P3H2: variants seen among roughly 807,000 people sequenced by gnomAD.
The protein encoded by P3H2 is leprecan-like 1.
In P3H2, 80 loss-of-function variants were observed where a neutral mutation model predicts 87.0. The ratio of observed to expected loss-of-function variants is 0.92; its 90% CI spans 0.77 to 1.11. The LOEUF is 1.11. Among genes scored for constraint, P3H2 ranks in the 50% least tolerant of loss-of-function variants. P3H2 has a pLI of 0.00. For synonymous variants in P3H2, 367 were observed against 359.3 expected (o/e 1.02, Z -0.24); for missense variants, 1,001 against 923.9 (o/e 1.08, Z -1.08).
At chr3:190,022,366 G>A (rs1305797231) in intron 1 of P3H2, among the ~76,000 whole-genome samples, 1 of 134,992 alleles carries the variant, frequency 7.4e-6, no homozygotes. Context: ...ATCCAGCCAG[G>A]GGACCAAAAT....
chr3:189,995,715 G>T (rs887563975), intron 1 of P3H2, among the ~76,000 whole-genome samples: 1 of 151,008 alleles, frequency 6.6e-6, no homozygotes, highest in African/African-American at 2.4e-5. Flanking sequence ...ATCCAAAAGG[G>T]GTTAATATCT....
At chr3:190,095,162 G>A (rs1727529638) in intron 1 of P3H2, among the ~76,000 whole-genome samples, 1 of 151,284 alleles carries the variant, frequency 6.6e-6, no homozygotes, top group Admixed American at 6.6e-5. Flanking sequence ...GTACAGACAT[G>A]AAAACTGAGA....
Position 189,964,073 on chromosome 3 carries a change from C to T in P3H2, c.1919G>A (p.Arg640His), listed in dbSNP as rs765123377. ...VTASIKPKCG[R>H]MISFSSGGEN... is the part of the protein sequence containing the mutation. The stretch of plus-strand genomic sequence containing the variant: ...TCCTCCAGATGAGAAGCTGATCATG[C>T]GCCCACATTTTGGTTTTATAGAGGC... Residue 640 changes from arginine to histidine, a missense_variant, in exon 14 of 15, where the codon CGC (arginine) becomes CAC (histidine). By Grantham distance (29) the Arg-to-His change is conservative. Coordinates refer to ENST00000319332, the MANE Select transcript of P3H2 (RefSeq NM_018192.4). The T allele has an allele frequency of 2.4e-5, 39 of 1,613,952 alleles. No individual in the cohort carries two copies. Among genetic ancestry groups the T allele is most frequent in the South Asian group, 1.8e-4 (16 of 91,080 alleles).
At chr3:189,978,728 C>T (rs1340746469) in intron 8 of P3H2, among the ~76,000 whole-genome samples, 4 of 151,274 alleles carry the variant, frequency 2.6e-5, no homozygotes, top group Non-Finnish European at 5.9e-5. Flanking sequence ...TATCATTCAA[C>T]AGGCAAGTCA....
intron 1 of P3H2, among the ~76,000 whole-genome samples, chr3:190,093,685 G>C (rs1727484936): frequency 6.6e-6 from 1 of 151,938 alleles, no homozygotes; most frequent in South Asian, 2.1e-4. Context: ...CTGAGTGGAA[G>C]AAAAAAAGTG....
At position 190,120,333 on chromosome 3, in the gene P3H2, G is replaced by C. The variant is rs868184723; in HGVS notation, c.399C>G (p.Ser133=). The change falls in exon 1 of 15, where the codon TCC becomes TCG. Residue 133 remains serine, a synonymous_variant. Transcript: ENST00000319332. The part of the protein sequence containing the change: ...CETQRLGGPA[S]RHRVSEDVRS... The stretch of plus-strand genomic sequence containing the variant: ...GCACATCCTCGCTGACGCGGTGGCG[G>C]GATGCGGGGCCCCCGAGGCGCTGGG... 4 of 1,597,352 alleles carry C rather than the reference G, an allele frequency of 2.5e-6. No individual in the cohort carries two copies. The highest frequency in any genetic ancestry group is 2.0e-4 in the Middle Eastern group (1 of 5,058).
intron 1 of P3H2, among the ~76,000 whole-genome samples, chr3:190,114,704 T>G: frequency 6.6e-6 from 1 of 152,150 alleles, no homozygotes; most frequent in South Asian, 2.1e-4. Flanking sequence ...ACCTGTAAGT[T>G]TTGATGGTTT....
chr3:189,982,998 A>T (rs1432382074), intron 8 of P3H2, 48 bp downstream of exon 8: 9 of 1,410,578 alleles, frequency 6.4e-6, no homozygotes, highest in African/African-American at 2.8e-5. Flanking sequence ...GTCAAGCCCC[A>T]TCTTCCCCTT....
intron 1 of P3H2, among the ~76,000 whole-genome samples, chr3:190,019,785 A>AATATATATATATAT (rs1210566859): frequency 5.3e-5 from 2 of 37,390 alleles, no homozygotes; most frequent in African/African-American, 1.3e-4. Context: ...GAAATTAAAA[A>AATATATATATATAT]ATATATATAT....
chr3:190,001,775 C>T (rs1295847762), intron 1 of P3H2, among the ~76,000 whole-genome samples: 1 of 152,150 alleles, frequency 6.6e-6, no homozygotes, highest in Non-Finnish European at 1.5e-5. Flanking sequence ...ACACATGTCA[C>T]AAGGCACATT....
chr3:190,116,787 G>A (rs1712304390), intron 1 of P3H2: 1 of 152,206 alleles, frequency 6.6e-6, no homozygotes, highest in African/African-American at 2.4e-5. Flanking sequence ...AATCTTAAAT[G>A]ATAAAAATCA....
At chr3:190,119,813 G>A (rs1316932230) in intron 1 of P3H2, among the ~76,000 whole-genome samples, 1 of 151,346 alleles carries the variant, frequency 6.6e-6, no homozygotes, top group Non-Finnish European at 1.5e-5. Context: ...CAGAGAAAAG[G>A]TGCAGACTAC....
chr3:189,994,028 T>C (rs73184343), intron 3 of P3H2, 66 bp downstream of exon 3: 467 of 1,260,238 alleles, frequency 3.7e-4, no homozygotes, highest in Admixed American at 5.7e-4. Flanking sequence ...TGGAATAGTT[T>C]TTTACAAATT....
At chr3:189,959,792 C>T (rs985849168) in intron 14 of P3H2, among the ~76,000 whole-genome samples, 3 of 151,940 alleles carry the variant, frequency 2.0e-5, no homozygotes, top group African/African-American at 4.8e-5. Context: ...ATTACTACTC[C>T]AGTCCAAGAC....
chr3:190,107,962 T>C (rs1711914134), intron 1 of P3H2, among the ~76,000 whole-genome samples: 1 of 151,746 alleles, frequency 6.6e-6, no homozygotes, highest in Non-Finnish European at 1.5e-5. Context: ...AAATTACCAG[T>C]ATTTTATTTT....
chr3:189,971,916 A>T lies in P3H2; in HGVS notation c.1791T>A (p.Pro597=). The T allele has an allele frequency of 1.2e-6, 2 of 1,610,090 alleles. No homozygotes were observed. The highest frequency in any genetic ancestry group is 4.5e-5 in the East Asian group (2 of 44,866). The change falls in exon 12 of 15, where the codon CCT becomes CCA. Residue 597 remains proline (P), a synonymous_variant. Coordinates refer to ENST00000319332, the MANE Select transcript of P3H2 (RefSeq NM_018192.4). ...TATAGTCTCGAAATGTGTAAGCAGG[A>T]GGCTCCTTCCAGCATTCGTTGGCCT... is the stretch of plus-strand genomic sequence containing the variant. The part of the protein sequence containing the change: ...DPEANECWKE[P]PAYTFRDYSA...
At chr3:189,996,111 T>A (rs180966854) in intron 1 of P3H2, among the ~76,000 whole-genome samples, 8 of 152,196 alleles carry the variant, frequency 5.3e-5, no homozygotes, top group Non-Finnish European at 1.2e-4. Context: ...CTGCTGGGTA[T>A]ATATCCAAAG....
At chr3:190,114,578 A>G (rs1712217075) in intron 1 of P3H2, among the ~76,000 whole-genome samples, 2 of 152,304 alleles carry the variant, frequency 1.3e-5, no homozygotes, top group South Asian at 4.1e-4. Context: ...CAGATATGGG[A>G]CAATCCCAAG....
chr3:190,051,316 A>G (rs1725974695), intron 1 of P3H2, among the ~76,000 whole-genome samples: 1 of 151,766 alleles, frequency 6.6e-6, no homozygotes, highest in Non-Finnish European at 1.5e-5. Context: ...TTTTTTCTCT[A>G]TAAAAAATGG....
Sources: allele counts gnomAD v4.1 joint callset (sites outside exome capture counted in the v4.1 genomes callset), GRCh38; gene constraint gnomAD v4.1.1; transcripts MANE v1.5; gene names NCBI Gene and HGNC (gene_info 2026-07-23, HGNC 2026-07-21).